The following TDRD1 variants were observed in gnomAD, a reference collection of about 807,000 sequenced individuals.
TDRD1 encodes the protein tudor domain containing 1, also known as tudor domain-containing protein 1.
TDRD1 carries 37 observed loss-of-function variants against 140.6 expected under a neutral mutation model. The observed-to-expected ratio is 0.26, with a 90% confidence interval of 0.20 to 0.35. TDRD1 has a LOEUF of 0.35. Among genes scored for constraint, TDRD1 ranks in the 10% least tolerant of loss-of-function variants. The pLI, the probability that TDRD1 is intolerant of heterozygous loss-of-function variation, is 1.00. For synonymous variants in TDRD1, 506 were observed against 475.7 expected, an observed-to-expected ratio of 1.06 and a Z score of -0.83; for missense variants, 1,243 against 1,393.0, an observed-to-expected ratio of 0.89 and a Z score of 1.71.
intron 9 of TDRD1, 132 bp downstream of exon 9, chr10:114,204,348 T>C: frequency 1.0e-6 from 1 of 990,326 alleles, no homozygotes; most frequent in South Asian, 2.1e-5. Context: ...TAAACACTCA[T>C]GGGCTATCTT....
exon 13 of TDRD1, chr10:114,210,894 G>C (rs2035440558): frequency 6.2e-7 from 1 of 1,614,130 alleles, no homozygotes. Context: ...CCCTTAGCAA[G>C]TACTGTGATC....
intron 14 of TDRD1, 83 bp from the exon 15 acceptor site, chr10:114,213,263 A>T: frequency 1.5e-6 from 2 of 1,337,218 alleles, no homozygotes; most frequent in Non-Finnish European, 2.0e-6. Context: ...TAGGTTTCTT[A>T]AGTTTACCTT....
upstream of TDRD1, among the ~76,000 whole-genome samples, chr10:114,178,121 G>A (rs2032757924): frequency 6.6e-6 from 1 of 152,102 alleles, no homozygotes; most frequent in South Asian, 2.1e-4. Context: ...GGGATTACAG[G>A]CATGAGCCCC....
At chr10:114,194,525 T>A (rs955651075) in intron 3 of TDRD1, among the ~76,000 whole-genome samples, 2 of 152,182 alleles carry the variant, frequency 1.3e-5, no homozygotes. Flanking sequence ...GTTCCCTATT[T>A]TATTCCTGAT....
At position 114,194,923 on chromosome 10, in the gene TDRD1, C is replaced by CTT. The variant is rs34458557; in HGVS notation, c.384+3918_384+3919dup. 9.8e-3 allele frequency among the ~76,000 whole-genome samples: 1,296 copies of CTT among 132,448 alleles called. 16 individuals are homozygous for CTT. The highest frequency in any genetic ancestry group is 0.016 in the Middle Eastern group (4 of 246). 86.9% of individuals were successfully genotyped at this position (132,448 alleles called of 152,430 possible). A position where few individuals can be genotyped will look rare whatever the true frequency, so the allele number is the denominator to read the frequency against. On this transcript the variant is annotated intron_variant, in intron 3 of 25. Transcript: ENST00000251864. The stretch of plus-strand genomic sequence containing the variant: ...TACAGGTGTATGCCACCACACCTGG[C>CTT]TTTTTTTTTTTTTTTCTGTAGATAT...
intron 3 of TDRD1, among the ~76,000 whole-genome samples, chr10:114,192,840 C>T (rs1295363442): frequency 6.6e-6 from 1 of 152,122 alleles, no homozygotes; most frequent in Admixed American, 6.6e-5. Flanking sequence ...GTCTTGATTC[C>T]TGGAGCTGTG....
At chr10:114,199,421 C>T in intron 4 of TDRD1, 104 bp downstream of exon 4, 1 of 1,397,004 alleles carries the variant, frequency 7.2e-7, no homozygotes, top group Non-Finnish European at 9.5e-7. Context: ...GAACAGTGTC[C>T]CCATGCCACA....
chr10:114,189,777 A>G (rs1298689187), intron 2 of TDRD1, among the ~76,000 whole-genome samples: 1 of 152,168 alleles, frequency 6.6e-6, no homozygotes, highest in African/African-American at 2.4e-5. Flanking sequence ...AATTTTTGCT[A>G]TTGCATAATG....
chr10:114,231,643 G>C (rs564986050), exon 26 of TDRD1: 1 of 667,374 alleles, frequency 1.5e-6, no homozygotes, highest in East Asian at 3.1e-5. Context: ...TTGCCTGCCT[G>C]CCATTCTCCT....
At chr10:114,221,607 C>A in intron 20 of TDRD1, 131 bp downstream of exon 20, 1 of 862,602 alleles carries the variant, frequency 1.2e-6, no homozygotes, top group Non-Finnish European at 1.8e-6. Context: ...CTGATCATAA[C>A]ACTTAAGGCA....
intron 3 of TDRD1, among the ~76,000 whole-genome samples, chr10:114,193,134 A>G (rs2034099623): frequency 6.6e-6 from 1 of 152,002 alleles, no homozygotes; most frequent in African/African-American, 2.4e-5. Context: ...TAGCTTACAT[A>G]TCCTATGCAT....
chr10:114,192,292 CTTTTTTTT>C (rs938140798), intron 3 of TDRD1, among the ~76,000 whole-genome samples: 25 of 75,116 alleles, frequency 3.3e-4, no homozygotes, highest in South Asian at 1.3e-3. Context: ...GATAGTTTTC[CTTTTTTTT>C]TTTTTTTTTT....
At chr10:114,177,834 CTTT>C (rs34189756), upstream of TDRD1, among the ~76,000 whole-genome samples, 3 of 131,098 alleles carry the variant, frequency 2.3e-5, no homozygotes, top group Non-Finnish European at 4.9e-5. Context: ...CTTTCTTTTT[CTTT>C]TTTTTTTTTT....
At chr10:114,214,425 G>T (rs1266621476) in intron 16 of TDRD1, among the ~76,000 whole-genome samples, 1 of 152,108 alleles carries the variant, frequency 6.6e-6, no homozygotes, top group Non-Finnish European at 1.5e-5. Flanking sequence ...ACTTTGGGAG[G>T]CTGAGGCAAG....
intron 19 of TDRD1, 131 bp from the exon 20 acceptor site, chr10:114,221,226 T>C: frequency 9.9e-7 from 1 of 1,013,840 alleles, no homozygotes; most frequent in Non-Finnish European, 1.4e-6. Context: ...AAAATACAGA[T>C]TTTTATTTTG....
At chr10:114,211,136 T>C (rs2035456382) in intron 13 of TDRD1, among the ~76,000 whole-genome samples, 169 bp downstream of exon 13, 1 of 152,142 alleles carries the variant, frequency 6.6e-6, no homozygotes, top group Non-Finnish European at 1.5e-5. Context: ...ATTAAACTGG[T>C]TGAAAGGAGT....
chr10:114,193,265 TTCTA>T (rs1279847159), intron 3 of TDRD1, among the ~76,000 whole-genome samples: 5 of 152,010 alleles, frequency 3.3e-5, no homozygotes, highest in Admixed American at 6.6e-5. Flanking sequence ...TATGTTTATC[TTCTA>T]TCTGTGACCT....
chr10:114,228,583 G>A (rs948983096), intron 25 of TDRD1: 23 of 985,210 alleles, frequency 2.3e-5, no homozygotes, highest in East Asian at 2.3e-4. Flanking sequence ...GGCCAAGAAC[G>A]GAAAGTGGGC....
In TDRD1 at chr10:114,226,233, C is replaced by T; in HGVS notation, c.3175+17C>T. 1 of 1,578,266 alleles carries T rather than the reference C, an allele frequency of 6.3e-7. No homozygotes were observed. Among genetic ancestry groups the T allele is most frequent in the Admixed American group, 1.9e-5 (1 of 53,148 alleles). The stretch of plus-strand genomic sequence containing the variant: ...CACTTGAAGGTAGACAGCTAAGTCA[C>T]TTTCCAATTTAGGTTTCTGGGTATT... On this transcript the variant is annotated intron_variant, in intron 22 of 25. Transcript: ENST00000251864.
Sources: allele counts gnomAD v4.1 joint callset (sites outside exome capture counted in the v4.1 genomes callset), GRCh38; gene constraint gnomAD v4.1.1; transcripts MANE v1.5; gene names NCBI Gene and HGNC (gene_info 2026-07-23, HGNC 2026-07-21).